The following MAP3K13 variants were observed in gnomAD, a reference collection of about 807,000 sequenced individuals.
MAP3K13 encodes the protein mitogen-activated protein kinase kinase kinase 13, also known as leucine zipper-bearing kinase.
A neutral mutation model predicts 104.0 loss-of-function variants in MAP3K13; 52 were observed. That is an observed-to-expected ratio of 0.50 (90% CI 0.40 to 0.63). The LOEUF (loss-of-function observed/expected upper bound fraction) is 0.63, where lower values mean the gene tolerates loss of function less well. Among genes scored for constraint, MAP3K13 ranks in the 20% least tolerant of loss-of-function variants. MAP3K13 has a pLI of 0.00. For synonymous variants in MAP3K13, 394 were observed against 442.2 expected (o/e 0.89, Z 1.37); for missense variants, 914 against 1,218.5 (o/e 0.75, Z 3.72).
rs1430830304 is a variant in MAP3K13, at chr3:185,484,580, C to T, written c.*2124C>T. The stretch of plus-strand genomic sequence containing the variant: ...AGGAGGGAATTTAGAGTTCCTTTTG[C>T]TTGTTTGATCCATTTGTTTACACTT... On this transcript the variant is annotated 3_prime_UTR_variant, in exon 14 of 14. Coordinates refer to ENST00000265026, the MANE Select transcript of MAP3K13 (RefSeq NM_004721.5). 4.6e-5 allele frequency: 7 copies of T among 152,130 alleles called. No homozygotes were observed. In the East Asian group the frequency reaches 1.3e-3, roughly 29 times the overall value. The allele number at this position is 152,130 out of a possible 1,614,324, so 9.4% of individuals were successfully genotyped here. A position where few individuals can be genotyped will look rare whatever the true frequency, so the allele number is the denominator to read the frequency against.
At position 185,312,043 on chromosome 3, in the gene MAP3K13, A is replaced by G. The variant is rs150827307; in HGVS notation, c.-86+26400A>G. ...TGTTATTTAGAAAGGCATTGGGTAAATAGCCACTGTGTCTTTGGTATCATG... is the reference window on the plus strand; with the variant it reads ...TGTTATTTAGAAAGGCATTGGGTAAGTAGCCACTGTGTCTTTGGTATCATG... On this transcript the variant is annotated intron_variant, in intron 2 of 14. Coordinates refer to the MAP3K13 transcript ENST00000424227. 2.6e-5 allele frequency among the ~76,000 whole-genome samples: 4 copies of G among 152,356 alleles called. No homozygotes were observed. The East Asian group carries it at 7.7e-4, about 29-fold the overall frequency.
chr3:185,300,822 A>G (rs996549872), intron 2 of MAP3K13, among the ~76,000 whole-genome samples: 8 of 152,144 alleles, frequency 5.3e-5, no homozygotes, highest in Non-Finnish European at 1.0e-4. Flanking sequence ...AATAATATCC[A>G]TTGTGTGAAT....
At chr3:185,404,161 G>A (rs183281480) in intron 1 of MAP3K13, among the ~76,000 whole-genome samples, 31 of 152,354 alleles carry the variant, frequency 2.0e-4, no homozygotes, top group East Asian at 3.9e-4. Flanking sequence ...TGGATAGTGC[G>A]TGAGTGTAAG....
intron 2 of MAP3K13, among the ~76,000 whole-genome samples, chr3:185,293,471 G>C (rs1720816824): frequency 6.6e-6 from 1 of 151,804 alleles, no homozygotes; most frequent in Non-Finnish European, 1.5e-5. Flanking sequence ...AATGGCACAG[G>C]CTACAGCAGC....
Position 185,471,590 on chromosome 3 carries a change from GC to G in MAP3K13, c.1644-1384del, listed in dbSNP as rs371877931. 1.3e-3 allele frequency among the ~76,000 whole-genome samples: 203 copies of G among 150,488 alleles called. 6 individuals are homozygous for G. The East Asian group carries it at 0.037, about 27-fold the overall frequency. On this transcript the variant is annotated intron_variant, in intron 10 of 13. Coordinates refer to ENST00000265026, the MANE Select transcript of MAP3K13 (RefSeq NM_004721.5). The stretch of plus-strand genomic sequence containing the variant: ...TTCTCCTGCCTCAGCCCCCTGAGTA[GC>G]TGGGATTACAGGCGCCCACCACCAC...
rs1217413167 is a variant in MAP3K13 at position 185,455,563 on chromosome 3, A to ATATATATGACATATATCATATATAT, written c.1278+4168_1278+4169insTATATATGACATATATCATATATAT. The stretch of plus-strand genomic sequence containing the variant: ...ATATGACATATATATGATATATATG[A>ATATATATGACATATATCATATATAT]GATATATATGACATATATATGATAT... On this transcript the variant is annotated intron_variant, in intron 7 of 13. Coordinates refer to ENST00000265026, the MANE Select transcript of MAP3K13 (RefSeq NM_004721.5). Among the ~76,000 whole-genome samples the ATATATATGACATATATCATATATAT allele has an allele frequency of 3.3e-4, 6 of 18,358 alleles. 3 individuals carry two copies. The highest frequency in any genetic ancestry group is 7.7e-4 in the Non-Finnish European group (6 of 7,836). 12.0% of individuals were successfully genotyped at this position (18,358 alleles called of 152,430 possible). A position where few individuals can be genotyped will look rare whatever the true frequency, so the allele number is the denominator to read the frequency against.
chr3:185,365,244 A>T (rs1577468317), intron 1 of MAP3K13, among the ~76,000 whole-genome samples: 1 of 152,270 alleles, frequency 6.6e-6, no homozygotes, highest in Middle Eastern at 3.4e-3. Flanking sequence ...TGTAGGGAAA[A>T]AAACAATAAC....
rs1452978059 is a variant in MAP3K13 at position 185,461,948 on chromosome 3, G to A, written c.1279-1602G>A. Among the ~76,000 whole-genome samples, 6 of 152,272 alleles carry A rather than the reference G, an allele frequency of 3.9e-5. No homozygotes were observed. In the East Asian group the frequency reaches 9.6e-4, roughly 24 times the overall value. ...AGAGAAACTGGAACCCTTATACACT[G>A]TTGGTGAGAATGCAAAATGGTGCAG... On this transcript the variant is annotated intron_variant, in intron 7 of 13. Coordinates refer to ENST00000265026, the MANE Select transcript of MAP3K13 (RefSeq NM_004721.5).
chr3:185,455,626 T>TATATCTC lies in MAP3K13; in HGVS notation c.1278+4235_1278+4236insCTCATAT, dbSNP rs1237412469. ...TATATCATATATATGAGATATATGA[T>TATATCTC]ATATATATGATATATATGAGATATA... On this transcript the variant is annotated intron_variant, in intron 7 of 13. Coordinates refer to ENST00000265026, the MANE Select transcript of MAP3K13 (RefSeq NM_004721.5). Among the ~76,000 whole-genome samples the TATATCTC allele has an allele frequency of 2.9e-3, 26 of 8,898 alleles. 4 individuals are homozygous for TATATCTC. The highest frequency in any genetic ancestry group is 7.0e-3 in the East Asian group (3 of 428). The allele number at this position is 8,898 out of a possible 152,430, so 5.8% of individuals were successfully genotyped here.
At position 185,307,791 on chromosome 3, in the gene MAP3K13, C is replaced by T. The variant is rs566289667; in HGVS notation, c.-86+22148C>T. ...ACTCCTGACCTTGTGATCTGCCCGC[C>T]TCGGCCTCCCAAAGTGCTGGGATTA... On this transcript the variant is annotated intron_variant, in intron 2 of 14. Coordinates refer to the MAP3K13 transcript ENST00000424227. 3.2e-4 allele frequency among the ~76,000 whole-genome samples: 49 copies of T among 152,166 alleles called. No individual in the cohort carries two copies. The East Asian group carries it at 8.9e-3, about 28-fold the overall frequency.
At chr3:185,359,053 C>A (rs549648438), upstream of MAP3K13, among the ~76,000 whole-genome samples, 1 of 152,038 alleles carries the variant, frequency 6.6e-6, no homozygotes, top group African/African-American at 2.4e-5. Context: ...TCTGTTTTCA[C>A]GCTGATGATA....
intron 1 of MAP3K13, chr3:185,417,969 G>A (rs535331175): frequency 4.0e-5 from 65 of 1,609,226 alleles, no homozygotes; most frequent in African/African-American, 1.3e-5. Flanking sequence ...TGAGGGAAGC[G>A]GCTTTACGCC....
intron 12 of MAP3K13, among the ~76,000 whole-genome samples, chr3:185,478,641 A>G (rs1418742093): frequency 2.0e-5 from 3 of 152,022 alleles, no homozygotes; most frequent in Non-Finnish European, 4.4e-5. Context: ...CTCTAAACCC[A>G]GCACTTTGGG....
chr3:185,400,906 T>G lies in MAP3K13; in HGVS notation c.-85-27591T>G, dbSNP rs1352223460. 1.4e-3 allele frequency among the ~76,000 whole-genome samples: 7 copies of G among 4,942 alleles called. No individual in the cohort carries two copies. The East Asian group carries it at 0.027, about 19-fold the overall frequency. 3.2% of individuals were successfully genotyped at this position (4,942 alleles called of 152,430 possible). ...TAGGATAATTCTGGGTGTTTGTTTG[T>G]TTTTTTTTTTTTTTTTGTCTTCTTT... On this transcript the variant is annotated intron_variant, in intron 1 of 13. Coordinates refer to ENST00000265026, the MANE Select transcript of MAP3K13 (RefSeq NM_004721.5).
chr3:185,438,220 C>G (rs1376180163), intron 3 of MAP3K13, among the ~76,000 whole-genome samples: 4 of 151,726 alleles, frequency 2.6e-5, no homozygotes, highest in Non-Finnish European at 5.9e-5. Context: ...TGCTTGAACC[C>G]AGAAGGTTGA....
intron 2 of MAP3K13, among the ~76,000 whole-genome samples, chr3:185,335,845 G>T (rs1016981971): frequency 1.3e-5 from 2 of 152,038 alleles, no homozygotes; most frequent in Non-Finnish European, 2.9e-5. Flanking sequence ...GATAAGGAGG[G>T]CCAACTGTAC....
rs372377252 is a variant in MAP3K13 at position 185,449,889 on chromosome 3, C to A, written c.1011-11C>A. The A allele has an allele frequency of 3.1e-6, 5 of 1,589,428 alleles. No individual in the cohort carries two copies. The highest frequency in any genetic ancestry group is 1.4e-5 in the African/African-American group (1 of 73,734). On this transcript the variant is annotated splice_polypyrimidine_tract_variant and intron_variant, in intron 5 of 13. Coordinates refer to ENST00000265026, the MANE Select transcript of MAP3K13 (RefSeq NM_004721.5). Reference sequence around the variant, plus strand: ...AAACATCTTCTGTCCATGTTCCCGGCGCTACTGTAGGTCTTTTGGAGTGGT... The same window carrying A: ...AAACATCTTCTGTCCATGTTCCCGGAGCTACTGTAGGTCTTTTGGAGTGGT...
At chr3:185,324,910 TCTC>T (rs1209733039) in intron 2 of MAP3K13, among the ~76,000 whole-genome samples, 12 of 152,188 alleles carry the variant, frequency 7.9e-5, no homozygotes, top group Non-Finnish European at 1.8e-4. Flanking sequence ...GGTATTTTGT[TCTC>T]CTGACATATT....
intron 4 of MAP3K13, among the ~76,000 whole-genome samples, chr3:185,444,998 T>C (rs1363087676): frequency 6.9e-6 from 1 of 144,958 alleles, no homozygotes. Context: ...ATAATAAAAA[T>C]TTAAAAAAAC....
Sources: allele counts gnomAD v4.1 joint callset (sites outside exome capture counted in the v4.1 genomes callset), GRCh38; gene constraint gnomAD v4.1.1; transcripts MANE v1.5; gene names NCBI Gene and HGNC (gene_info 2026-07-23, HGNC 2026-07-21).